The following MUC13 variants were observed in gnomAD, a reference collection of about 807,000 sequenced individuals.
MUC13 encodes mucin 13, cell surface associated.
In MUC13, 32 loss-of-function variants were observed where a neutral mutation model predicts 48.3. That is an observed-to-expected ratio of 0.66 (90% CI 0.50 to 0.89). The LOEUF (loss-of-function observed/expected upper bound fraction) is 0.89, where lower values mean the gene tolerates loss of function less well. MUC13 is among the 40% of genes least tolerant of loss of function. The pLI is 0.00. For missense variants in MUC13, 571 were observed against 622.8 expected, an observed-to-expected ratio of 0.92 and a Z score of 0.88; for synonymous variants, 199 against 224.9, an observed-to-expected ratio of 0.88 and a Z score of 1.03.
intron 4 of MUC13, among the ~76,000 whole-genome samples, chr3:124,920,868 A>G: frequency 6.6e-6 from 1 of 152,228 alleles, no homozygotes; most frequent in East Asian, 1.9e-4. Flanking sequence ...CAGATCCAAG[A>G]TGAGAGGGCA....
chr3:124,930,264 G>A (rs57152908), intron 1 of MUC13, among the ~76,000 whole-genome samples: 3,682 of 152,220 alleles, frequency 0.024, 140 homozygotes, highest in African/African-American at 0.084. Context: ...TGTTCACTAG[G>A]GAGAATACAT....
chr3:124,910,068 G>A (rs970880349), intron 10 of MUC13, among the ~76,000 whole-genome samples: 1 of 152,052 alleles, frequency 6.6e-6, no homozygotes, highest in Non-Finnish European at 1.5e-5. Flanking sequence ...CTATTTTCTT[G>A]ATTTTCTTCC....
chr3:124,916,164 A>T (rs1165019233), intron 6 of MUC13, among the ~76,000 whole-genome samples, 153 bp downstream of exon 6: 1 of 152,242 alleles, frequency 6.6e-6, no homozygotes, highest in East Asian at 1.9e-4. Context: ...AGCGAACAAG[A>T]AAAGGGAAGA....
chr3:124,923,742 G>A (rs1268612168), intron 2 of MUC13, 93 bp from the exon 3 acceptor site: 3 of 1,296,574 alleles, frequency 2.3e-6, no homozygotes, highest in Non-Finnish European at 3.2e-6. Flanking sequence ...CTCCCCCCTG[G>A]GCCCTTTCCA....
At chr3:124,916,156 C>T (rs1013529998) in intron 6 of MUC13, among the ~76,000 whole-genome samples, 161 bp downstream of exon 6, 1 of 151,952 alleles carries the variant, frequency 6.6e-6, no homozygotes, top group South Asian at 2.1e-4. Flanking sequence ...AGAGGGCAAG[C>T]GAACAAGAAA....
At chr3:124,920,147 G>A in intron 5 of MUC13, 87 bp downstream of exon 5, 1 of 1,088,970 alleles carries the variant, frequency 9.2e-7, no homozygotes, top group Non-Finnish European at 1.4e-6. Flanking sequence ...GCCACAGAGG[G>A]CCTTAATGTT....
intron 5 of MUC13, among the ~76,000 whole-genome samples, chr3:124,919,194 G>A (rs1053852631): frequency 1.3e-5 from 2 of 151,856 alleles, no homozygotes; most frequent in African/African-American, 2.4e-5. Context: ...AAATTAGGCT[G>A]GGCGTGGTGG....
chr3:124,933,334 T>C (rs1039365851), intron 1 of MUC13, among the ~76,000 whole-genome samples: 1 of 152,154 alleles, frequency 6.6e-6, no homozygotes, highest in Non-Finnish European at 1.5e-5. Flanking sequence ...TATAGCTCCA[T>C]GATATAATGA....
chr3:124,926,485 T>C (rs936078259), intron 2 of MUC13, among the ~76,000 whole-genome samples: 10 of 152,116 alleles, frequency 6.6e-5, no homozygotes, highest in African/African-American at 1.4e-4. Context: ...ACATGAAAGA[T>C]TGGGGAAAGA....
intron 1 of MUC13, among the ~76,000 whole-genome samples, chr3:124,929,074 T>G (rs1021296196): frequency 6.6e-6 from 1 of 152,296 alleles, no homozygotes; most frequent in Middle Eastern, 3.4e-3. Flanking sequence ...TGAGCTATGA[T>G]GGATATCAAA....
At chr3:124,931,896 T>G (rs980196953) in intron 1 of MUC13, among the ~76,000 whole-genome samples, 5 of 151,602 alleles carry the variant, frequency 3.3e-5, no homozygotes, top group African/African-American at 1.2e-4. Context: ...TACAAAAAAA[T>G]TAGCCAGGTG....
At chr3:124,933,033 T>G (rs1326284571) in intron 1 of MUC13, among the ~76,000 whole-genome samples, 2 of 152,138 alleles carry the variant, frequency 1.3e-5, no homozygotes, top group South Asian at 4.1e-4. Flanking sequence ...GCCTCACCAA[T>G]TCTTCCTTTG....
chr3:124,922,182 T>A lies in MUC13; in HGVS notation c.744+15A>T, dbSNP rs955839772. On this transcript the variant is annotated intron_variant, in intron 4 of 11. Coordinates refer to ENST00000616727, the MANE Select transcript of MUC13 (RefSeq NM_033049.4). ...AAAGAATGCTTTACAGAAAGGAAAGTTGGAAAATACTTACCAAGCTAGTAA... is the reference window on the plus strand; with the variant it reads ...AAAGAATGCTTTACAGAAAGGAAAGATGGAAAATACTTACCAAGCTAGTAA... 6.2e-7 allele frequency: 1 copy of A among 1,613,668 alleles called. No homozygotes were observed. The highest frequency in any genetic ancestry group is 1.3e-5 in the African/African-American group (1 of 75,032).
intron 1 of MUC13, among the ~76,000 whole-genome samples, chr3:124,932,304 G>A (rs143185712): frequency 0.014 from 2,143 of 152,110 alleles, 43 homozygotes; most frequent in East Asian, 0.067. Context: ...GGTGGCTCAC[G>A]CCTGTAATCC....
intron 1 of MUC13, 67 bp downstream of exon 1, chr3:124,934,594 C>T (rs1278576793): frequency 3.6e-6 from 4 of 1,101,468 alleles, no homozygotes; most frequent in African/African-American, 3.1e-5. Context: ...TAGCTATAGG[C>T]CTGCTGATTC....
At chr3:124,923,769 C>G in intron 2 of MUC13, 120 bp from the exon 3 acceptor site, 2 of 910,444 alleles carry the variant, frequency 2.2e-6, no homozygotes, top group Admixed American at 5.0e-5. Context: ...GCTTGTGTTA[C>G]TCCACAGCAC....
chr3:124,913,014 C>T, intron 8 of MUC13, 97 bp downstream of exon 8: 1 of 1,422,480 alleles, frequency 7.0e-7, no homozygotes. Flanking sequence ...GACAGCTTAC[C>T]AGCTTCCTGA....
At position 124,923,749 on chromosome 3, in the gene MUC13, T is replaced by G. The variant is rs948717084; in HGVS notation, c.515-100A>C. ...CTTCATGCCTCCCCCCTGGGCCCTT[T>G]CCATTCCTTGCTTGTGTTACTCCAC... On this transcript the variant is annotated intron_variant, in intron 2 of 11. Coordinates refer to ENST00000616727, the MANE Select transcript of MUC13 (RefSeq NM_033049.4). The G allele has an allele frequency of 8.3e-6, 10 of 1,207,372 alleles. No homozygotes were observed. The African/African-American group carries it at 1.4e-4, about 17-fold the overall frequency. 74.8% of individuals were successfully genotyped at this position (1,207,372 alleles called of 1,614,324 possible). A position where few individuals can be genotyped will look rare whatever the true frequency, so the allele number is the denominator to read the frequency against.
intron 1 of MUC13, among the ~76,000 whole-genome samples, chr3:124,930,164 T>C (rs1027774147): frequency 6.6e-6 from 1 of 152,184 alleles, no homozygotes; most frequent in Non-Finnish European, 1.5e-5. Context: ...ATAAAACAAA[T>C]TGGGACTTCT....
Sources: gnomAD v4.1 joint callset for allele counts (sites outside exome capture counted in the v4.1 genomes callset) on GRCh38, gnomAD v4.1.1 for gene constraint, MANE v1.5 for transcripts, NCBI Gene and HGNC (gene_info 2026-07-23, HGNC 2026-07-21) for gene names.